Variants in SGCD observed in about 807,000 individuals in gnomAD.
SGCD encodes sarcoglycan delta, also known as delta-sarcoglycan.
A neutral mutation model predicts 36.6 loss-of-function variants in SGCD; 18 were observed. That is an observed-to-expected ratio of 0.49 (90% confidence interval 0.34 to 0.73). The LOEUF is 0.73. SGCD is among the 30% of genes least tolerant of loss of function. The probability of loss-of-function intolerance (pLI) is 0.01; values close to 1 mark genes in which losing one functional copy is unlikely to be tolerated. For missense variants in SGCD, 387 were observed against 346.7 expected (o/e 1.12, Z -0.92); for synonymous variants, 133 against 130.6 (o/e 1.02, Z -0.12).
chr5:155,773,694 G>A, the SGCD span, among the ~76,000 whole-genome samples: 7 of 152,150 alleles, frequency 4.6e-5, no homozygotes, highest in Admixed American at 6.5e-5. Context: ...AGAAGGCAGG[G>A]AGTATGTCTA....
chr5:156,240,575 G>A (rs565466018), intron 3 of SGCD, among the ~76,000 whole-genome samples: 1 of 152,288 alleles, frequency 6.6e-6, no homozygotes, highest in East Asian at 1.9e-4. Flanking sequence ...AAGCTGTACT[G>A]TTTGTTACTC....
chr5:156,370,827 G>A (rs1220324501), intron 3 of SGCD, among the ~76,000 whole-genome samples: 1 of 152,136 alleles, frequency 6.6e-6, no homozygotes, highest in Non-Finnish European at 1.5e-5. Context: ...GAACATCGGT[G>A]AGTAAGTGGA....
chr5:156,702,000 A>G (rs1304324192), intron 7 of SGCD, among the ~76,000 whole-genome samples: 2 of 152,174 alleles, frequency 1.3e-5, no homozygotes, highest in Non-Finnish European at 1.5e-5. Flanking sequence ...ATATTGTCAG[A>G]TTATATTAGG....
chr5:156,589,262 A>T lies in SGCD; in HGVS notation c.326A>T (p.Asn109Ile). The change falls in exon 5 of 9, where the codon AAT becomes ATT. Residue 109 changes from asparagine to isoleucine, a missense_variant. Physicochemically the swap from Asn to Ile is moderately radical, Grantham distance 149 (BLOSUM62 -3). Coordinates refer to ENST00000337851, the MANE Select transcript of SGCD (RefSeq NM_000337.6). ...GCCCTGTACTTCAAGTCTGCCAGAA[A>T]TGTTACAGTGAACATTCTCAATGAC... ...GNALYFKSAR[N>I]VTVNILNDQT... 1 of 1,574,656 alleles carries T rather than the reference A, an allele frequency of 6.4e-7. No homozygotes were observed. The highest frequency in any genetic ancestry group is 8.6e-7 in the Non-Finnish European group (1 of 1,158,212).
At chr5:156,364,980 CATACTCAG>C (rs1163383956) in intron 3 of SGCD, among the ~76,000 whole-genome samples, 1 of 152,182 alleles carries the variant, frequency 6.6e-6, no homozygotes, top group Non-Finnish European at 1.5e-5. Flanking sequence ...GTTGCAAGGG[CATACTCAG>C]ATAGCTTTTA....
At chr5:156,367,368 A>AT (rs1231809493) in intron 3 of SGCD, among the ~76,000 whole-genome samples, 3 of 151,044 alleles carry the variant, frequency 2.0e-5, no homozygotes, top group East Asian at 1.9e-4. Flanking sequence ...TGTGGATTGA[A>AT]TTTTTTTTAA....
At chr5:156,470,576 G>A (rs1472659683) in intron 3 of SGCD, among the ~76,000 whole-genome samples, 1 of 148,242 alleles carries the variant, frequency 6.7e-6, no homozygotes, top group Non-Finnish European at 1.5e-5. Context: ...TCCCACCTAT[G>A]AGTGAGAACA....
chr5:156,011,845 C>T (rs1023302474), intron 1 of SGCD, among the ~76,000 whole-genome samples: 1 of 152,098 alleles, frequency 6.6e-6, no homozygotes, highest in Non-Finnish European at 1.5e-5. Flanking sequence ...TTTGGGCAGA[C>T]TAGGATAAAA....
chr5:156,634,254 G>A (rs1031201834), intron 6 of SGCD, among the ~76,000 whole-genome samples: 1 of 151,852 alleles, frequency 6.6e-6, no homozygotes, highest in Non-Finnish European at 1.5e-5. Flanking sequence ...GCGTCACTGG[G>A]GCCTGTTGGG....
At chr5:156,453,596 TTTTA>T (rs1389086231) in intron 3 of SGCD, among the ~76,000 whole-genome samples, 1 of 152,168 alleles carries the variant, frequency 6.6e-6, no homozygotes, top group Non-Finnish European at 1.5e-5. Flanking sequence ...CTGGAGATAT[TTTTA>T]TTTGTCAAAA....
In SGCD at chr5:155,995,250, G is replaced by T. The variant is rs543074773; in HGVS notation, c.-281-122628G>T. 2.0e-5 allele frequency among the ~76,000 whole-genome samples: 3 copies of T among 152,242 alleles called. No individual in the cohort carries two copies. The East Asian group carries it at 5.8e-4, about 29-fold the overall frequency. On this transcript the variant is annotated intron_variant, in intron 1 of 9. Transcript: ENST00000517913. ...GTCCAGAGCACATTTCTTTTCAGCT[G>T]CCATATAAGAGAGAAAGGGTCGGAT... is the stretch of plus-strand genomic sequence containing the variant.
intron 3 of SGCD, among the ~76,000 whole-genome samples, chr5:156,397,451 T>G (rs184071448): frequency 5.9e-5 from 9 of 152,330 alleles, no homozygotes; most frequent in Admixed American, 5.2e-4. Context: ...CTGGCTATAC[T>G]TTTTCCTCTC....
At chr5:156,246,698 TA>T (rs1242410730) in intron 3 of SGCD, among the ~76,000 whole-genome samples, 2 of 152,194 alleles carry the variant, frequency 1.3e-5, no homozygotes, top group South Asian at 4.1e-4. Flanking sequence ...TAATTTTTGT[TA>T]AAAAATGTCT....
chr5:156,463,054 A>G (rs990602309), intron 3 of SGCD, among the ~76,000 whole-genome samples: 1 of 152,218 alleles, frequency 6.6e-6, no homozygotes, highest in African/African-American at 2.4e-5. Context: ...CTCAATTTGG[A>G]AAGATTGTAA....
At chr5:156,519,070 T>G (rs959228306) in intron 4 of SGCD, among the ~76,000 whole-genome samples, 1 of 151,444 alleles carries the variant, frequency 6.6e-6, no homozygotes, top group Non-Finnish European at 1.5e-5. Flanking sequence ...GCTGGTTTTT[T>G]GAAAAAAAAA....
chr5:155,944,401 T>C (rs1424267647), intron 1 of SGCD, among the ~76,000 whole-genome samples: 1 of 152,204 alleles, frequency 6.6e-6, no homozygotes, highest in Non-Finnish European at 1.5e-5. Flanking sequence ...GCTGTGCATT[T>C]ATCTGTATAC....
intron 1 of SGCD, among the ~76,000 whole-genome samples, chr5:155,916,244 A>G (rs1756734019): frequency 1.3e-5 from 2 of 152,118 alleles, no homozygotes; most frequent in Admixed American, 1.3e-4. Flanking sequence ...GACGAGTGAA[A>G]AATTTAATTA....
intron 1 of SGCD, among the ~76,000 whole-genome samples, chr5:156,114,112 A>G (rs1232409561): frequency 1.3e-5 from 2 of 152,144 alleles, no homozygotes; most frequent in African/African-American, 4.8e-5. Flanking sequence ...CATAGAAGGC[A>G]CAACACCAAG....
rs570995677 is a variant in SGCD, at chr5:156,589,172, A to T, written c.295-59A>T. 7 of 1,250,958 alleles carry T rather than the reference A, an allele frequency of 5.6e-6. No individual in the cohort carries two copies. In the East Asian group the frequency reaches 1.5e-4, roughly 27 times the overall value. 77.5% of individuals were successfully genotyped at this position (1,250,958 alleles called of 1,614,324 possible). On this transcript the variant is annotated intron_variant, in intron 4 of 8. Transcript: ENST00000337851. ...CAGCCCCTTGGAGAGTTGTAATGAC[A>T]GTTCTTTTTGTTTAGAAATCTATCA...
Sources: allele counts gnomAD v4.1 joint callset (sites outside exome capture counted in the v4.1 genomes callset), GRCh38; gene constraint gnomAD v4.1.1; transcripts MANE v1.5; gene names NCBI Gene and HGNC (gene_info 2026-07-23, HGNC 2026-07-21).